The following FAM227B variants were observed in gnomAD, a reference collection of about 807,000 sequenced individuals.
FAM227B encodes the protein family with sequence similarity 227 member B.
A neutral mutation model predicts 73.8 loss-of-function variants in FAM227B; 88 were observed. The observed-to-expected ratio is 1.19, with a 90% CI of 1.00 to 1.42. FAM227B has a LOEUF of 1.42. FAM227B is among the 40% of genes most tolerant of loss of function. The pLI is 0.00. For synonymous variants in FAM227B, 210 were observed against 190.5 expected (o/e 1.10, Z -0.84); for missense variants, 632 against 590.9 (o/e 1.07, Z -0.72).
intron 10 of FAM227B, among the ~76,000 whole-genome samples, chr15:49,524,338 G>C (rs1294624861): frequency 6.6e-6 from 1 of 151,776 alleles, no homozygotes; most frequent in Admixed American, 6.6e-5. Context: ...GTTTGTTCAG[G>C]GGGTGGAAGC....
At chr15:49,548,163 A>G (rs545693096) in intron 9 of FAM227B, among the ~76,000 whole-genome samples, 8 of 152,268 alleles carry the variant, frequency 5.3e-5, no homozygotes, top group African/African-American at 1.7e-4. Flanking sequence ...TCTGTTATAC[A>G]TGGTTTTTAC....
intron 11 of FAM227B, among the ~76,000 whole-genome samples, chr15:49,458,677 C>A (rs1270778009): frequency 6.6e-6 from 1 of 152,006 alleles, no homozygotes. Flanking sequence ...CTTCAGAAAA[C>A]AAAACTCAAA....
chr15:49,473,565 C>T (rs12440323), intron 11 of FAM227B, among the ~76,000 whole-genome samples: 42,171 of 151,906 alleles, frequency 0.28, 6,086 homozygotes, highest in East Asian at 0.38. Context: ...AATATTGTGA[C>T]AATCATATTG....
intron 11 of FAM227B, among the ~76,000 whole-genome samples, chr15:49,494,286 CA>C (rs1295056487): frequency 5.9e-5 from 9 of 151,476 alleles, no homozygotes; most frequent in Non-Finnish European, 1.0e-4. Context: ...CACACACACA[CA>C]CACCCTAAAC....
chr15:49,528,771 A>G (rs899803386), intron 10 of FAM227B, among the ~76,000 whole-genome samples: 3 of 152,056 alleles, frequency 2.0e-5, no homozygotes, highest in African/African-American at 4.8e-5. Context: ...TAAAACCACA[A>G]TGAGATACCA....
chr15:49,523,149 C>G (rs2059908235), intron 10 of FAM227B, among the ~76,000 whole-genome samples: 1 of 152,152 alleles, frequency 6.6e-6, no homozygotes, highest in Admixed American at 6.5e-5. Context: ...AACCTTGAAG[C>G]TAGAAGAGAT....
chr15:49,414,040 C>T (rs1253449108), intron 11 of FAM227B, among the ~76,000 whole-genome samples: 2 of 151,862 alleles, frequency 1.3e-5, no homozygotes, highest in East Asian at 3.9e-4. Context: ...TTTTTAATAT[C>T]TATTATCCAC....
chr15:49,365,354 T>C (rs1440790293), intron 13 of FAM227B: 12 of 1,480,896 alleles, frequency 8.1e-6, no homozygotes, highest in Middle Eastern at 1.7e-4. Flanking sequence ...GCCAATAGCA[T>C]AGGCAACTGT....
At position 49,545,944 on chromosome 15, in the gene FAM227B, ATT is replaced by A. The variant is rs149465916; in HGVS notation, c.748-4140_748-4139del. Among the ~76,000 whole-genome samples the A allele has an allele frequency of 2.8e-3, 354 of 125,116 alleles. 1 individual carries two copies. Among genetic ancestry groups the A allele is most frequent in the African/African-American group, 8.0e-3 (221 of 27,668 alleles). 82.1% of individuals were successfully genotyped at this position (125,116 alleles called of 152,430 possible). A position where few individuals can be genotyped will look rare whatever the true frequency, so the allele number is the denominator to read the frequency against. On this transcript the variant is annotated intron_variant, in intron 9 of 15. Transcript: ENST00000299338. Reference sequence around the variant, plus strand: ...TCACCAGAAGGGAGCAGGAGTAGCTATTTTTTTTTTTTTTAATTTTATTATTA... The same window carrying A: ...TCACCAGAAGGGAGCAGGAGTAGCTATTTTTTTTTTTTAATTTTATTATTA...
At chr15:49,330,193 A>G (rs1466368298) in intron 15 of FAM227B, 2 of 152,276 alleles carry the variant, frequency 1.3e-5, no homozygotes, top group Non-Finnish European at 2.9e-5. Context: ...GGTATAGGCA[A>G]ACATGGTGTG....
chr15:49,611,173 T>A (rs1346096707), intron 3 of FAM227B, 42 bp downstream of exon 3: 7 of 1,203,096 alleles, frequency 5.8e-6, no homozygotes, highest in Non-Finnish European at 7.3e-6. Context: ...ACTGATATTT[T>A]AAAATGATGT....
chr15:49,424,910 T>C (rs2151751899), intron 11 of FAM227B: 1 of 167,950 alleles, frequency 6.0e-6, no homozygotes. Flanking sequence ...TAAGCAAAAC[T>C]CATTAAGATA....
At chr15:49,506,139 T>C (rs1373616174) in intron 11 of FAM227B, among the ~76,000 whole-genome samples, 2 of 151,806 alleles carry the variant, frequency 1.3e-5, no homozygotes, top group Non-Finnish European at 1.5e-5. Context: ...AAGGGAGAAA[T>C]AGATAATTCT....
intron 9 of FAM227B, among the ~76,000 whole-genome samples, chr15:49,563,723 A>G (rs12908635): frequency 0.25 from 38,148 of 152,142 alleles, 5,760 homozygotes; most frequent in Non-Finnish European, 0.35. Flanking sequence ...ACAAGTAGAC[A>G]AAACAAGCAA....
rs776884422 is a variant in FAM227B at position 49,508,258 on chromosome 15, T to A, written c.965A>T (p.Lys322Ile). Reference sequence around the variant, plus strand: ...GTCTGCAATTCTTTCCTTTACTGATTTTGCAGGTGCTTTTTTGCTACCATG... The same window carrying A: ...GTCTGCAATTCTTTCCTTTACTGATATTGCAGGTGCTTTTTTGCTACCATG... ...TIHGSKKAPA[K>I]SVKERIADSQ... The change falls in exon 11 of 16, where the codon AAA becomes ATA. Residue 322 changes from lysine (K) to isoleucine (I), a missense_variant. Lys to Ile is a moderately radical substitution (Grantham distance 102). Coordinates refer to ENST00000299338, the MANE Select transcript of FAM227B (RefSeq NM_152647.3). 47 of 1,611,226 alleles carry A rather than the reference T, an allele frequency of 2.9e-5. No individual in the cohort carries two copies. In the Admixed American group the frequency reaches 7.9e-4, roughly 27 times the overall value.
intron 9 of FAM227B, among the ~76,000 whole-genome samples, chr15:49,550,571 G>C (rs142699530): frequency 6.6e-6 from 1 of 150,532 alleles, no homozygotes; most frequent in East Asian, 2.0e-4. Flanking sequence ...CAGACGGGGC[G>C]GCTGGGCAGA....
rs543323876 is a variant in FAM227B, at chr15:49,436,817, G to A, written c.1013-65418C>T. On this transcript the variant is annotated intron_variant, in intron 11 of 15. Transcript: ENST00000299338. ...CTGTCACTGGTGTTATTAAAACATC[G>A]CATATTACTTTGTATCAAGCAGTGG... is the stretch of plus-strand genomic sequence containing the variant. 6.6e-5 allele frequency among the ~76,000 whole-genome samples: 10 copies of A among 151,580 alleles called. No homozygotes were observed. The South Asian group carries it at 1.2e-3, about 19-fold the overall frequency.
At chr15:49,378,627 G>A (rs1317795381) in intron 11 of FAM227B, among the ~76,000 whole-genome samples, 2 of 152,028 alleles carry the variant, frequency 1.3e-5, no homozygotes, top group Non-Finnish European at 2.9e-5. Context: ...GCATATAGAT[G>A]TGCTACTGAT....
intron 11 of FAM227B, among the ~76,000 whole-genome samples, chr15:49,459,728 T>C (rs1269274402): frequency 2.6e-5 from 4 of 152,174 alleles, no homozygotes; most frequent in Non-Finnish European, 4.4e-5. Context: ...AACCAGGCTA[T>C]AGTTCATGAC....
Sources: allele counts gnomAD v4.1 joint callset (sites outside exome capture counted in the v4.1 genomes callset), GRCh38; gene constraint gnomAD v4.1.1; transcripts MANE v1.5; gene names NCBI Gene and HGNC (gene_info 2026-07-23, HGNC 2026-07-21).